Variants in PCDHA3 observed in about 807,000 individuals in gnomAD.
The protein encoded by PCDHA3 is protocadherin alpha-3.
Under a neutral mutation model 62.2 loss-of-function variants are expected in PCDHA3, and 41 were observed. That is an observed-to-expected ratio of 0.66 (90% confidence interval 0.51 to 0.86). PCDHA3 has a LOEUF of 0.86. PCDHA3 is among the 40% of genes least tolerant of loss of function. The probability of loss-of-function intolerance (pLI) is 0.00; values close to 1 mark genes in which losing one functional copy is unlikely to be tolerated. For missense variants in PCDHA3, 1,304 were observed against 1,241.2 expected (o/e 1.05, Z -0.76); for synonymous variants, 640 against 555.4 (o/e 1.15, Z -2.14).
chr5:140,833,757 C>A (rs1554133954), intron 1 of PCDHA3, among the ~76,000 whole-genome samples: 1 of 151,886 alleles, frequency 6.6e-6, no homozygotes, highest in Admixed American at 6.6e-5. Context: ...AGAAAACACA[C>A]ACACACACAC....
chr5:140,959,834 G>A (rs1223310946), intron 1 of PCDHA3, among the ~76,000 whole-genome samples: 1 of 152,144 alleles, frequency 6.6e-6, no homozygotes, highest in African/African-American at 2.4e-5. Context: ...AATGTATTAT[G>A]CCTGTAACTG....
At chr5:140,856,077 T>A in intron 1 of PCDHA3, 1 of 1,593,712 alleles carries the variant, frequency 6.3e-7, no homozygotes, top group South Asian at 1.1e-5. Flanking sequence ...TGCCTGGGGG[T>A]CCAGTGTCTG....
chr5:140,968,257 T>C (rs781932747), intron 1 of PCDHA3: 2 of 1,613,946 alleles, frequency 1.2e-6, no homozygotes, highest in East Asian at 2.2e-5. Context: ...CAGACCCAGA[T>C]GAAAAGGAGA....
chr5:140,953,270 T>A (rs1362290837), intron 1 of PCDHA3, among the ~76,000 whole-genome samples: 6 of 152,152 alleles, frequency 3.9e-5, no homozygotes, highest in Non-Finnish European at 5.9e-5. Flanking sequence ...GCTTTAGCCT[T>A]TGCTCTTTAT....
Position 140,824,370 on chromosome 5 carries a change from T to C in PCDHA3, c.2394+20779T>C, listed in dbSNP as rs1768101933. 20 of 570,032 alleles carry C rather than the reference T, an allele frequency of 3.5e-5. No homozygotes were observed. In the South Asian group the frequency reaches 4.2e-4, roughly 12 times the overall value. The allele number at this position is 570,032 out of a possible 1,614,324, so 35.3% of individuals were successfully genotyped here. On this transcript the variant is annotated intron_variant, in intron 1 of 3. Coordinates refer to ENST00000522353, the MANE Select transcript of PCDHA3 (RefSeq NM_018906.3). ...ATAATATTTTATATTAGCATTTGAA[T>C]TTTGCATCTCTAAAAATGTAGGATA...
At chr5:140,858,469 C>T (rs782532416) in intron 1 of PCDHA3, 2 of 1,520,006 alleles carry the variant, frequency 1.3e-6, no homozygotes, top group African/African-American at 1.4e-5. Context: ...TCCTTTTGTG[C>T]TTTATGAATA....
At chr5:140,872,652 T>C (rs1185435042) in intron 1 of PCDHA3, among the ~76,000 whole-genome samples, 2 of 152,142 alleles carry the variant, frequency 1.3e-5, no homozygotes, top group Non-Finnish European at 2.9e-5. Context: ...AGGCAAGAGA[T>C]TTGTCAACTA....
chr5:140,816,271 A>G (rs1765874884), intron 1 of PCDHA3: 1 of 152,096 alleles, frequency 6.6e-6, no homozygotes, highest in Non-Finnish European at 1.5e-5. Flanking sequence ...TCATTCTTCT[A>G]CTTGATTAAG....
intron 1 of PCDHA3, chr5:140,823,781 T>A (rs2150129137): frequency 1.2e-6 from 2 of 1,613,800 alleles, no homozygotes; most frequent in Non-Finnish European, 1.7e-6. Context: ...GTGTCGCTGG[T>A]GGAAAGTGGC....
At chr5:140,836,644 G>A (rs2150266560) in intron 1 of PCDHA3, 1 of 1,613,528 alleles carries the variant, frequency 6.2e-7, no homozygotes. Flanking sequence ...TCCCAGCAGA[G>A]GCGGCAGAGG....
chr5:140,822,254 A>C, intron 1 of PCDHA3: 1 of 1,614,260 alleles, frequency 6.2e-7, no homozygotes, highest in Non-Finnish European at 8.5e-7. Flanking sequence ...TCGGATTTGG[A>C]TATTGGAGCA....
intron 1 of PCDHA3, chr5:140,867,456 T>C (rs1035822606): frequency 1.3e-5 from 2 of 152,154 alleles, no homozygotes; most frequent in African/African-American, 4.8e-5. Context: ...AGAGTTCTAG[T>C]GTTATGACAA....
At chr5:140,834,344 G>A (rs2150215547) in intron 1 of PCDHA3, 3 of 1,518,348 alleles carry the variant, frequency 2.0e-6, no homozygotes, top group Non-Finnish European at 1.8e-6. Context: ...AAATTCGAAG[G>A]CAAGTTTTGC....
intron 1 of PCDHA3, among the ~76,000 whole-genome samples, chr5:140,962,929 A>T (rs1386992197): frequency 1.3e-5 from 2 of 152,070 alleles, no homozygotes; most frequent in Non-Finnish European, 2.9e-5. Context: ...ATACTTCTCA[A>T]CCTCCTCTCC....
intron 1 of PCDHA3, chr5:140,875,947 G>A: frequency 6.2e-7 from 1 of 1,614,184 alleles, no homozygotes; most frequent in South Asian, 1.1e-5. Context: ...GGGCGCTTCT[G>A]ATGCGGATAT....
chr5:140,817,444 A>G (rs1393143626), intron 1 of PCDHA3: 3 of 152,250 alleles, frequency 2.0e-5, no homozygotes, highest in Non-Finnish European at 2.9e-5. Context: ...GGGGATTCCT[A>G]TAACAGCATC....
chr5:140,981,603 C>T (rs1213864255), intron 2 of PCDHA3, among the ~76,000 whole-genome samples: 4 of 152,052 alleles, frequency 2.6e-5, no homozygotes, highest in Non-Finnish European at 5.9e-5. Context: ...CAAAATGTTC[C>T]TCTAATTTTG....
intron 1 of PCDHA3, among the ~76,000 whole-genome samples, chr5:140,898,262 C>G (rs2066619852): frequency 6.6e-6 from 1 of 152,130 alleles, no homozygotes; most frequent in Admixed American, 6.5e-5. Context: ...GAAGTCCTTG[C>G]CCATGCCTAA....
At chr5:140,954,512 T>C (rs2095046956) in intron 1 of PCDHA3, among the ~76,000 whole-genome samples, 1 of 152,254 alleles carries the variant, frequency 6.6e-6, no homozygotes, top group Non-Finnish European at 1.5e-5. Flanking sequence ...TGCATTTACC[T>C]AATGATCAGT....
Sources: gnomAD v4.1 joint callset for allele counts (sites outside exome capture counted in the v4.1 genomes callset) on GRCh38, gnomAD v4.1.1 for gene constraint, MANE v1.5 for transcripts, NCBI Gene and HGNC (gene_info 2026-07-23, HGNC 2026-07-21) for gene names.